Variants in CFAP251 observed in about 807,000 individuals in gnomAD.
The protein encoded by CFAP251 is cilia- and flagella-associated protein 251.
CFAP251 carries 93 observed loss-of-function variants against 126.7 expected under a neutral mutation model. That is an observed-to-expected ratio of 0.73 (90% confidence interval 0.62 to 0.87). The LOEUF is 0.87. Among genes scored for constraint, CFAP251 ranks in the 40% least tolerant of loss-of-function variants. The pLI is 0.00. For synonymous variants in CFAP251, 503 were observed against 506.9 expected (o/e 0.99, Z 0.10); for missense variants, 1,287 against 1,389.2 (o/e 0.93, Z 1.17).
At chr12:121,941,635 A>G (rs1881119944) in intron 5 of CFAP251, among the ~76,000 whole-genome samples, 1 of 152,112 alleles carries the variant, frequency 6.6e-6, no homozygotes, top group South Asian at 2.1e-4. Context: ...TGCCCAGCCT[A>G]GTTTCTTATC....
At chr12:121,933,298 C>T (rs1316484639) in intron 4 of CFAP251, 3 of 152,330 alleles carry the variant, frequency 2.0e-5, no homozygotes, top group African/African-American at 7.2e-5. Flanking sequence ...ATGAGCCAGC[C>T]AAAGACAGTC....
At chr12:121,980,702 C>T (rs1028010760) in intron 19 of CFAP251, among the ~76,000 whole-genome samples, 2 of 152,160 alleles carry the variant, frequency 1.3e-5, no homozygotes, top group African/African-American at 4.8e-5. Flanking sequence ...CTCACTGTTC[C>T]CACGGCCGCT....
intron 17 of CFAP251, 113 bp from the exon 18 acceptor site, chr12:121,975,131 C>T (rs1882423789): frequency 2.6e-6 from 2 of 782,752 alleles, no homozygotes; most frequent in South Asian, 3.1e-5. Flanking sequence ...GAGACCCTAA[C>T]TGTATCTGTG....
At chr12:121,941,101 G>C (rs1881094882) in intron 5 of CFAP251, among the ~76,000 whole-genome samples, 1 of 151,688 alleles carries the variant, frequency 6.6e-6, no homozygotes, top group African/African-American at 2.4e-5. Context: ...TGTAATCTTG[G>C]CTCACTGCAA....
intron 15 of CFAP251, among the ~76,000 whole-genome samples, chr12:121,964,145 T>TTTG (rs10581852): frequency 0.11 from 16,508 of 149,786 alleles, 1,968 homozygotes; most frequent in African/African-American, 0.29. Flanking sequence ...CCACCCGGGA[T>TTTG]TTGTTGTTGT....
At chr12:121,986,135 G>A (rs771231856) in intron 19 of CFAP251, among the ~76,000 whole-genome samples, 55 of 151,978 alleles carry the variant, frequency 3.6e-4, no homozygotes, top group African/African-American at 6.8e-4. Context: ...GGAATTACCC[G>A]CAGTGCCACC....
At chr12:122,002,081 G>T (rs992195168) in intron 21 of CFAP251, among the ~76,000 whole-genome samples, 1 of 151,776 alleles carries the variant, frequency 6.6e-6, no homozygotes, top group Non-Finnish European at 1.5e-5. Flanking sequence ...CAGGCTGGGC[G>T]CAGTGGCTCA....
Position 121,923,979 on chromosome 12 carries a change from G to A in CFAP251, c.736G>A (p.Val246Met). ...GTTTCAAAAGGATAAAAGCACCCCG[G>A]TGTATCCCTTGGTAAGTGTAATGCT... is the stretch of plus-strand genomic sequence containing the variant. ...ILFQKDKSTP[V>M]YPLTMTWSFG... The change falls in exon 3 of 22, where the codon GTG becomes ATG. Residue 246 changes from valine to methionine, a missense_variant. By Grantham distance (21) the Val-to-Met change is conservative. Transcript: ENST00000288912. The A allele has an allele frequency of 4.4e-6, 7 of 1,608,690 alleles. No homozygotes were observed. The highest frequency in any genetic ancestry group is 5.9e-6 in the Non-Finnish European group (7 of 1,177,954).
At position 121,942,547 on chromosome 12, in the gene CFAP251, A is replaced by C. The variant is rs1881162954; in HGVS notation, c.1012A>C (p.Thr338Pro). ...CCTGTTTTGCAGTATTCCTGTGCAC[A>C]CAATATTTGACAGCTGCCCTGAAGG... ...WDSFTGIPVH[T>P]IFDSCPEGNG... is the part of the protein sequence containing the mutation. The change falls in exon 6 of 22, where the codon ACA becomes CCA. Residue 338 changes from threonine (T) to proline (P), a missense_variant. By Grantham distance (38) the Thr-to-Pro change is conservative (BLOSUM62 -1). Transcript: ENST00000288912. 6.2e-7 allele frequency: 1 copy of C among 1,613,360 alleles called. No individual in the cohort carries two copies. The highest frequency in any genetic ancestry group is 8.5e-7 in the Non-Finnish European group (1 of 1,179,640).
At chr12:121,966,218 C>T (rs1592991757) in intron 15 of CFAP251, among the ~76,000 whole-genome samples, 1 of 26,276 alleles carries the variant, frequency 3.8e-5, no homozygotes. Context: ...CCTCCCCTCC[C>T]CTTCCCTCCC....
intron 19 of CFAP251, chr12:121,992,182 CG>C (rs1427150258): frequency 2.0e-6 from 2 of 984,902 alleles, no homozygotes; most frequent in Admixed American, 6.1e-5. Context: ...CATCTTCACA[CG>C]GGGGCGTTCA....
Position 121,929,342 on chromosome 12 carries a change from G to GA in CFAP251, c.748-2395dup, listed in dbSNP as rs950016397. ...CTCAAAAAAAAAAAAAAAGAAAAAAGAAAAAAAAATTGAGCTGAATGTACT... is the reference window on the plus strand; with the variant it reads ...CTCAAAAAAAAAAAAAAAGAAAAAAGAAAAAAAAAATTGAGCTGAATGTACT... On this transcript the variant is annotated intron_variant, in intron 3 of 21. Transcript: ENST00000288912. 2.0e-4 allele frequency among the ~76,000 whole-genome samples: 30 copies of GA among 148,508 alleles called. 1 individual carries two copies. The highest frequency in any genetic ancestry group is 1.5e-5 in the Non-Finnish European group (1 of 66,984).
rs1034333599 is a variant in CFAP251 at position 121,921,443 on chromosome 12, A to C, written c.138A>C (p.Ala46=). 1.2e-6 allele frequency: 2 copies of C among 1,613,472 alleles called. No individual in the cohort carries two copies. Among genetic ancestry groups the C allele is most frequent in the Non-Finnish European group, 1.7e-6 (2 of 1,179,818 alleles). Reference sequence around the variant, plus strand: ...AGGAATCAAAAGATGACACAATAGCATGGAGAGAGTCTCAGGAGGAGGAGA... The same window carrying C: ...AGGAATCAAAAGATGACACAATAGCCTGGAGAGAGTCTCAGGAGGAGGAGA... The part of the protein sequence containing the change: ...PQQESKDDTI[A]WRESQEEERK... Residue 46 remains alanine, a synonymous_variant, in exon 2 of 22, where the codon GCA becomes GCC. Coordinates refer to ENST00000288912, the MANE Select transcript of CFAP251 (RefSeq NM_144668.6).
Position 121,954,335 on chromosome 12 carries a change from G to A in CFAP251, c.1535+1G>A. The stretch of plus-strand genomic sequence containing the variant: ...TCACGGTACTTACCACAATTGATAG[G>A]TAATTTTAACTTAATTAAAAGATAA... On this transcript the variant is annotated splice_donor_variant, in intron 10 of 21. Coordinates refer to ENST00000288912, the MANE Select transcript of CFAP251 (RefSeq NM_144668.6). LOFTEE classifies it high-confidence loss of function. 1 of 1,601,414 alleles carries A rather than the reference G, an allele frequency of 6.2e-7. No homozygotes were observed. Among genetic ancestry groups the A allele is most frequent in the Non-Finnish European group, 8.5e-7 (1 of 1,173,554 alleles).
intron 21 of CFAP251, among the ~76,000 whole-genome samples, chr12:122,002,543 T>G (rs1310478388): frequency 6.6e-6 from 1 of 151,094 alleles, no homozygotes; most frequent in Non-Finnish European, 1.5e-5. Context: ...CTGTCTCAAT[T>G]AAAAAAGAGA....
intron 3 of CFAP251, among the ~76,000 whole-genome samples, chr12:121,927,782 C>T (rs557941186): frequency 2.0e-5 from 3 of 152,242 alleles, no homozygotes; most frequent in East Asian, 1.9e-4. Flanking sequence ...CCATTGTTCA[C>T]GGTAAATAGA....
chr12:121,970,093 G>A (rs1297038447), intron 17 of CFAP251: 6 of 408,760 alleles, frequency 1.5e-5, no homozygotes, highest in Non-Finnish European at 2.0e-5. Context: ...GGGAGATAAA[G>A]ATGATAAATC....
intron 5 of CFAP251, among the ~76,000 whole-genome samples, chr12:121,935,973 T>C (rs974726765): frequency 2.0e-5 from 3 of 152,192 alleles, no homozygotes; most frequent in African/African-American, 7.2e-5. Flanking sequence ...TTTCTGATAG[T>C]GCATCCAACA....
chr12:121,927,542 C>A (rs2135747667), intron 3 of CFAP251, among the ~76,000 whole-genome samples: 1 of 152,308 alleles, frequency 6.6e-6, no homozygotes, highest in African/African-American at 2.4e-5. Context: ...GGTGATCCAC[C>A]CACCTCAGCC....
Sources: allele counts gnomAD v4.1 joint callset (sites outside exome capture counted in the v4.1 genomes callset), GRCh38; gene constraint gnomAD v4.1.1; transcripts MANE v1.5; gene names NCBI Gene and HGNC (gene_info 2026-07-23, HGNC 2026-07-21).